The following CUL2 variants were observed in gnomAD, a reference collection of about 807,000 sequenced individuals.
CUL2 encodes the protein cullin-2.
Under a neutral mutation model 110.2 loss-of-function variants are expected in CUL2, and 22 were observed. The ratio of observed to expected loss-of-function variants is 0.20; its 90% CI spans 0.14 to 0.28. The LOEUF is 0.28. CUL2 is among the 10% of genes least tolerant of loss of function. CUL2 has a pLI of 1.00. For synonymous variants in CUL2, 279 were observed against 293.2 expected, an observed-to-expected ratio of 0.95 and a Z score of 0.49; for missense variants, 631 against 905.5, an observed-to-expected ratio of 0.70 and a Z score of 3.89.
chr10:35,119,212 C>T (rs1274627671), intron 1 of CUL2, among the ~76,000 whole-genome samples: 3 of 152,212 alleles, frequency 2.0e-5, no homozygotes, highest in Admixed American at 2.0e-4. Flanking sequence ...GGGACATTTT[C>T]AACCACATTC....
At chr10:35,026,359 A>G (rs2085335787) in intron 16 of CUL2, among the ~76,000 whole-genome samples, 1 of 152,248 alleles carries the variant, frequency 6.6e-6, no homozygotes, top group South Asian at 2.1e-4. Flanking sequence ...TATCAATAAA[A>G]TTCAATCACT....
chr10:35,051,025 T>C (rs1394439512), intron 5 of CUL2, among the ~76,000 whole-genome samples: 1 of 152,234 alleles, frequency 6.6e-6, no homozygotes, highest in African/African-American at 2.4e-5. Context: ...CATAAAATAG[T>C]GTCTCCTTGG....
At chr10:35,018,908 A>T (rs1006153568) in intron 17 of CUL2, among the ~76,000 whole-genome samples, 1 of 152,156 alleles carries the variant, frequency 6.6e-6, no homozygotes, top group African/African-American at 2.4e-5. Flanking sequence ...TTTCAGAATT[A>T]TCTGGATGGG....
intron 1 of CUL2, among the ~76,000 whole-genome samples, chr10:35,122,725 C>T (rs1262606557): frequency 6.6e-6 from 1 of 152,166 alleles, no homozygotes; most frequent in Non-Finnish European, 1.5e-5. Context: ...GCAACCTCCA[C>T]CCCCTGGGTT....
chr10:35,111,599 ACATTCAGG>A, intron 1 of CUL2, among the ~76,000 whole-genome samples: 1 of 152,180 alleles, frequency 6.6e-6, no homozygotes, highest in African/African-American at 2.4e-5. Context: ...AACATATTAG[ACATTCAGG>A]CCAGGCGTGG....
At chr10:35,014,224 A>T (rs1412466426) in intron 18 of CUL2, among the ~76,000 whole-genome samples, 1 of 152,094 alleles carries the variant, frequency 6.6e-6, no homozygotes, top group Non-Finnish European at 1.5e-5. Context: ...CAAAATACCC[A>T]CTGTAAATGG....
At chr10:35,122,064 T>C (rs1428825284) in intron 1 of CUL2, among the ~76,000 whole-genome samples, 2 of 152,190 alleles carry the variant, frequency 1.3e-5, no homozygotes, top group Non-Finnish European at 2.9e-5. Context: ...GAATGAAACA[T>C]TTTTTGCCAA....
intron 1 of CUL2, among the ~76,000 whole-genome samples, chr10:35,103,308 A>ATTTTTTTTTTTTTTTTTTTTTTT (rs67257350): frequency 1.1e-5 from 1 of 94,546 alleles, no homozygotes; most frequent in African/African-American, 3.7e-5. Context: ...GGCCAAGCTA[A>ATTTTTTTTTTTTTTTTTTTTTTT]TTTTTTTTTT....
At chr10:35,064,205 T>C (rs1432026325) in intron 2 of CUL2, 2 of 152,108 alleles carry the variant, frequency 1.3e-5, no homozygotes, top group African/African-American at 4.8e-5. Flanking sequence ...ATTAACCAAA[T>C]ATAGAAGATA....
chr10:35,061,455 G>C (rs1464410743), intron 3 of CUL2, among the ~76,000 whole-genome samples: 1 of 125,890 alleles, frequency 7.9e-6, no homozygotes, highest in Non-Finnish European at 1.7e-5. Flanking sequence ...GCAAGACTCT[G>C]TCTCCCAAAA....
At chr10:35,118,981 C>A (rs148443256) in intron 1 of CUL2, among the ~76,000 whole-genome samples, 14 of 152,328 alleles carry the variant, frequency 9.2e-5, no homozygotes, top group African/African-American at 3.4e-4. Flanking sequence ...CAGGCACAGG[C>A]TGGCCAATCC....
chr10:35,043,599 C>T (rs901868963), intron 8 of CUL2, among the ~76,000 whole-genome samples: 1 of 152,102 alleles, frequency 6.6e-6, no homozygotes, highest in African/African-American at 2.4e-5. Context: ...CACAAACCAT[C>T]CCAAAATAAA....
intron 4 of CUL2, among the ~76,000 whole-genome samples, chr10:35,055,963 A>G (rs1366254953): frequency 6.6e-6 from 1 of 152,234 alleles, no homozygotes; most frequent in Non-Finnish European, 1.5e-5. Context: ...GTCTCAGCAC[A>G]GACACACCTT....
upstream of CUL2, among the ~76,000 whole-genome samples, chr10:35,092,100 G>A (rs904858906): frequency 8.6e-5 from 13 of 151,932 alleles, no homozygotes; most frequent in African/African-American, 2.9e-4. Context: ...CTACAGGCGC[G>A]TGCGCCACCA....
At chr10:35,034,222 T>C (rs943476914) in intron 10 of CUL2, among the ~76,000 whole-genome samples, 2 of 152,244 alleles carry the variant, frequency 1.3e-5, no homozygotes, top group African/African-American at 4.8e-5. Flanking sequence ...GATGCTTCTA[T>C]GCCCAATGTC....
chr10:35,077,335 A>C (rs916501749), intron 1 of CUL2, among the ~76,000 whole-genome samples: 20 of 150,784 alleles, frequency 1.3e-4, no homozygotes, highest in African/African-American at 3.4e-4. Flanking sequence ...ACAAACAAAA[A>C]AAACAAACAA....
chr10:35,111,941 A>G (rs886350130), intron 1 of CUL2, among the ~76,000 whole-genome samples: 3 of 152,212 alleles, frequency 2.0e-5, no homozygotes, highest in African/African-American at 7.2e-5. Context: ...CTCATAGCCT[A>G]CTGTCCAGAG....
intron 5 of CUL2, among the ~76,000 whole-genome samples, chr10:35,053,612 A>G (rs1205756791): frequency 6.6e-6 from 1 of 152,218 alleles, no homozygotes; most frequent in African/African-American, 2.4e-5. Context: ...TTATTTTCCA[A>G]GTATGGATCA....
At chr10:35,090,407 G>A (rs897464267), upstream of CUL2, 3 of 152,286 alleles carry the variant, frequency 2.0e-5, no homozygotes, top group Non-Finnish European at 2.9e-5. Flanking sequence ...CGAAGCCCGG[G>A]GAGCCCGCGC....
Sources: allele counts gnomAD v4.1 joint callset (sites outside exome capture counted in the v4.1 genomes callset), GRCh38; gene constraint gnomAD v4.1.1; transcripts MANE v1.5; gene names NCBI Gene and HGNC (gene_info 2026-07-23, HGNC 2026-07-21).